The following AGFG1 variants were observed in gnomAD, a reference collection of about 807,000 sequenced individuals.
AGFG1 encodes the protein ArfGAP with FG repeats 1.
In AGFG1, 10 loss-of-function variants were observed where a neutral mutation model predicts 60.6. The observed-to-expected ratio is 0.16, with a 90% CI of 0.10 to 0.28. The LOEUF (loss-of-function observed/expected upper bound fraction) is 0.28, where lower values mean the gene tolerates loss of function less well. Among genes scored for constraint, AGFG1 ranks in the 10% least tolerant of loss-of-function variants. The pLI is 1.00. For synonymous variants in AGFG1, 247 were observed against 242.9 expected, an observed-to-expected ratio of 1.02 and a Z score of -0.16; for missense variants, 537 against 676.5, an observed-to-expected ratio of 0.79 and a Z score of 2.29.
At chr2:227,480,866 T>C (rs1186520802) in intron 1 of AGFG1, among the ~76,000 whole-genome samples, 1 of 152,216 alleles carries the variant, frequency 6.6e-6, no homozygotes, top group Non-Finnish European at 1.5e-5. Flanking sequence ...TTAGTTTGCC[T>C]ACATTCACAA....
At chr2:227,475,939 A>G (rs899675182) in intron 1 of AGFG1, among the ~76,000 whole-genome samples, 7 of 152,250 alleles carry the variant, frequency 4.6e-5, no homozygotes, top group Admixed American at 4.6e-4. Flanking sequence ...AGTATCCACT[A>G]TCATGAATTC....
chr2:227,531,782 A>G (rs1692167610), intron 6 of AGFG1, among the ~76,000 whole-genome samples: 2 of 152,072 alleles, frequency 1.3e-5, no homozygotes, highest in Non-Finnish European at 2.9e-5. Context: ...TTAGGCTGAC[A>G]TTATACCTCT....
At chr2:227,516,335 G>A (rs1691649856) in intron 2 of AGFG1, among the ~76,000 whole-genome samples, 1 of 152,200 alleles carries the variant, frequency 6.6e-6, no homozygotes, top group African/African-American at 2.4e-5. Context: ...TTACGGAACT[G>A]GGAATCACAT....
Position 227,554,449 on chromosome 2 carries a change from C to T in AGFG1, c.1643C>T (p.Thr548Ile). 6.2e-7 allele frequency: 1 copy of T among 1,613,504 alleles called. No individual in the cohort carries two copies. Among genetic ancestry groups the T allele is most frequent in the Non-Finnish European group, 8.5e-7 (1 of 1,179,650 alleles). The stretch of plus-strand genomic sequence containing the variant: ...GTTTTCCTTTAGACTGGTGCACCAA[C>T]AGGACAATTTCCAACAGGAAGCTCA... ...SSNPFMTGAP[T>I]GQFPTGSSST... The change falls in exon 13 of 13, where the codon ACA (threonine) becomes ATA (isoleucine). Residue 548 changes from threonine to isoleucine, a missense_variant. Transcript: ENST00000310078.
At chr2:227,520,138 C>T in intron 3 of AGFG1, 75 bp downstream of exon 3, 1 of 854,780 alleles carries the variant, frequency 1.2e-6, no homozygotes, top group South Asian at 1.6e-5. Flanking sequence ...TAGTCTGACA[C>T]AATGAAGGAT....
chr2:227,528,935 T>C (rs1010445075), intron 5 of AGFG1, among the ~76,000 whole-genome samples: 2 of 152,240 alleles, frequency 1.3e-5, no homozygotes, highest in Non-Finnish European at 2.9e-5. Context: ...ACTGTTTTGT[T>C]CCTTGTCTGA....
intron 1 of AGFG1, among the ~76,000 whole-genome samples, chr2:227,474,110 A>T (rs1690210630): frequency 6.6e-6 from 1 of 152,192 alleles, no homozygotes; most frequent in South Asian, 2.1e-4. Context: ...CTACAGAATC[A>T]CAGAGCTAGG....
chr2:227,534,781 G>A (rs1490870898), intron 7 of AGFG1, 64 bp from the exon 8 acceptor site: 3 of 1,559,276 alleles, frequency 1.9e-6, no homozygotes, highest in Non-Finnish European at 2.6e-6. Flanking sequence ...CATGGCAAAT[G>A]TGGTTGATAA....
At chr2:227,534,346 G>C (rs116576229) in intron 7 of AGFG1, among the ~76,000 whole-genome samples, 153 of 152,246 alleles carry the variant, frequency 1.0e-3, no homozygotes, top group Non-Finnish European at 1.9e-3. Flanking sequence ...AACTCATGGA[G>C]TTGTGTTCTA....
chr2:227,492,079 T>C (rs1214670777), intron 2 of AGFG1, among the ~76,000 whole-genome samples: 1 of 152,236 alleles, frequency 6.6e-6, no homozygotes, highest in Middle Eastern at 3.4e-3. Flanking sequence ...GTGTAATGTT[T>C]AGCAGGTGCT....
chr2:227,539,342 C>T (rs1575109461), intron 10 of AGFG1, among the ~76,000 whole-genome samples: 1 of 150,890 alleles, frequency 6.6e-6, no homozygotes, highest in African/African-American at 2.4e-5. Context: ...ACTTGGGAGG[C>T]TGAGGCAGGA....
At chr2:227,506,564 A>G (rs1307606563) in intron 2 of AGFG1, among the ~76,000 whole-genome samples, 1 of 150,774 alleles carries the variant, frequency 6.6e-6, no homozygotes, top group African/African-American at 2.4e-5. Context: ...TCCTTAAAAA[A>G]AAAAAAAAAA....
rs1390688972 is a variant in AGFG1 at position 227,472,558 on chromosome 2, C to G, written c.137C>G (p.Ser46Cys). 4 of 1,581,310 alleles carry G rather than the reference C, an allele frequency of 2.5e-6. No individual in the cohort carries two copies. Among genetic ancestry groups the G allele is most frequent in the Non-Finnish European group, 3.4e-6 (4 of 1,163,630 alleles). The change falls in exon 1 of 13, where the codon TCC becomes TGC. Residue 46 changes from serine to cysteine, a missense_variant. Around this residue, in one of 4 missense-constraint regions of AGFG1, gnomAD observed 120 missense variants for 198.5 expected, o/e 0.60. Transcript: ENST00000310078. ...ACCTACGTTAACATGACGGTCGGCTCCTTCGTGTGTACCTCCTGCTCCGGC... is the reference window on the plus strand; with the variant it reads ...ACCTACGTTAACATGACGGTCGGCTGCTTCGTGTGTACCTCCTGCTCCGGC... ...GPTYVNMTVG[S>C]FVCTSCSGSL...
At chr2:227,545,444 T>G (rs889032804) in intron 10 of AGFG1, among the ~76,000 whole-genome samples, 1 of 152,222 alleles carries the variant, frequency 6.6e-6, no homozygotes, top group Non-Finnish European at 1.5e-5. Context: ...TTACCGATCT[T>G]CTCAAGCCTA....
chr2:227,543,708 C>A (rs1358599584), intron 10 of AGFG1, among the ~76,000 whole-genome samples: 1 of 152,104 alleles, frequency 6.6e-6, no homozygotes, highest in Non-Finnish European at 1.5e-5. Flanking sequence ...CCTGGATATC[C>A]TTGTTAAATT....
Position 227,551,853 on chromosome 2 carries a change from A to G in AGFG1, c.1379-106A>G, listed in dbSNP as rs1408357706. Reference sequence around the variant, plus strand: ...GGAATTAACCCTGCCTTTAATGTACATCTTAGTATTTTTCAAGGTAAATGA... The same window carrying G: ...GGAATTAACCCTGCCTTTAATGTACGTCTTAGTATTTTTCAAGGTAAATGA... On this transcript the variant is annotated intron_variant, in intron 10 of 12. Coordinates refer to ENST00000310078, the MANE Select transcript of AGFG1 (RefSeq NM_004504.5). 3.7e-6 allele frequency: 5 copies of G among 1,358,144 alleles called. No homozygotes were observed. The African/African-American group carries it at 7.3e-5, about 20-fold the overall frequency. The allele number at this position is 1,358,144 out of a possible 1,614,324, so 84.1% of individuals were successfully genotyped here.
chr2:227,541,042 T>G (rs138714525), intron 10 of AGFG1, among the ~76,000 whole-genome samples: 156 of 152,314 alleles, frequency 1.0e-3, no homozygotes, highest in African/African-American at 3.5e-3. Flanking sequence ...TTGATAGGGT[T>G]GTTTGATTTT....
chr2:227,516,411 G>A (rs1245174914), intron 2 of AGFG1, among the ~76,000 whole-genome samples: 1 of 152,168 alleles, frequency 6.6e-6, no homozygotes, highest in Admixed American at 6.5e-5. Context: ...TTAGGATTTT[G>A]ATCTATAAAT....
At chr2:227,519,180 C>T (rs1691749809) in intron 2 of AGFG1, among the ~76,000 whole-genome samples, 1 of 152,080 alleles carries the variant, frequency 6.6e-6, no homozygotes, top group South Asian at 2.1e-4. Flanking sequence ...AAACAAAAAC[C>T]AAAACAAGTG....
Sources: allele counts gnomAD v4.1 joint callset (sites outside exome capture counted in the v4.1 genomes callset), GRCh38; gene constraint gnomAD v4.1.1; regional missense constraint gnomAD v4.1.1; transcripts MANE v1.5; gene names NCBI Gene and HGNC (gene_info 2026-07-23, HGNC 2026-07-21).